The following CCDC42 variants were observed in gnomAD, a reference collection of about 807,000 sequenced individuals.
The protein encoded by CCDC42 is coiled-coil domain containing 42.
CCDC42 carries 38 observed loss-of-function variants against 40.8 expected under a neutral mutation model. The ratio of observed to expected loss-of-function variants is 0.93; its 90% CI spans 0.72 to 1.22. The LOEUF (loss-of-function observed/expected upper bound fraction) is 1.22. Among genes scored for constraint, CCDC42 ranks in the 50% most tolerant of loss-of-function variants. The pLI, the probability that CCDC42 is intolerant of heterozygous loss-of-function variation, is 0.00. For synonymous variants in CCDC42, 135 were observed against 157.5 expected, an observed-to-expected ratio of 0.86 and a Z score of 1.07; for missense variants, 379 against 416.5, an observed-to-expected ratio of 0.91 and a Z score of 0.78.
chr17:8,730,338 T>A (rs12937401), intron 6 of CCDC42, 131 bp from the exon 7 acceptor site: 167,699 of 592,320 alleles, frequency 0.28, 24,990 homozygotes, highest in Middle Eastern at 0.32. Flanking sequence ...TTTTTAAATT[T>A]TTATTTATTT....
intron 4 of CCDC42, among the ~76,000 whole-genome samples, chr17:8,736,440 C>A (rs963949750): frequency 2.6e-5 from 4 of 152,256 alleles, no homozygotes; most frequent in Admixed American, 1.3e-4. Context: ...TCAGGTCCCA[C>A]TCAGTGGAAC....
rs775160126 is a variant in CCDC42 at position 8,730,099 on chromosome 17, T to C, written c.*31A>G. On this transcript the variant is annotated 3_prime_UTR_variant, in exon 7 of 7. Coordinates refer to ENST00000293845, the MANE Select transcript of CCDC42 (RefSeq NM_144681.3). ...ACGACTTCTTCTTTCACGATCTCTG[T>C]CTCAGGACATTCTGGAACAAGGCTG... The C allele has an allele frequency of 3.1e-6, 5 of 1,604,686 alleles. No homozygotes were observed. The highest frequency in any genetic ancestry group is 4.3e-6 in the Non-Finnish European group (5 of 1,171,746).
chr17:8,733,896 T>C (rs1301151354), intron 6 of CCDC42, among the ~76,000 whole-genome samples: 1 of 152,142 alleles, frequency 6.6e-6, no homozygotes, highest in Non-Finnish European at 1.5e-5. Flanking sequence ...GACCCTATTG[T>C]GGGTCATAGG....
chr17:8,737,842 G>A (rs966315895), intron 4 of CCDC42, among the ~76,000 whole-genome samples: 6 of 152,176 alleles, frequency 3.9e-5, no homozygotes, highest in Non-Finnish European at 7.3e-5. Flanking sequence ...AAAAGACAGG[G>A]TCTCACTCTA....
chr17:8,732,400 G>T (rs1028683902), intron 6 of CCDC42, among the ~76,000 whole-genome samples: 1 of 151,622 alleles, frequency 6.6e-6, no homozygotes, highest in African/African-American at 2.4e-5. Context: ...CCTTTTCAAG[G>T]CTGTCTCTGG....
At chr17:8,742,492 T>A (rs996660950) in intron 3 of CCDC42, among the ~76,000 whole-genome samples, 28 of 152,348 alleles carry the variant, frequency 1.8e-4, no homozygotes, top group African/African-American at 6.7e-4. Context: ...TGCCTCTTCC[T>A]TCTGCAGAGC....
At chr17:8,740,105 T>C (rs970447507) in intron 4 of CCDC42, among the ~76,000 whole-genome samples, 1 of 152,112 alleles carries the variant, frequency 6.6e-6, no homozygotes, top group African/African-American at 2.4e-5. Flanking sequence ...AGGAGGTGCC[T>C]CCATCTGCCC....
chr17:8,734,969 C>T, intron 6 of CCDC42, 127 bp downstream of exon 6: 1 of 968,160 alleles, frequency 1.0e-6, no homozygotes, highest in Non-Finnish European at 1.5e-6. Flanking sequence ...CCAGGTGATC[C>T]TGATGTTGTT....
At chr17:8,744,385 G>A in intron 1 of CCDC42, 142 bp downstream of exon 1, 1 of 769,788 alleles carries the variant, frequency 1.3e-6, no homozygotes, top group East Asian at 2.5e-5. Context: ...AGACCAGCGT[G>A]ATGAGGTGGA....
Position 8,744,512 on chromosome 17 carries a change from G to A in CCDC42, c.83+15C>T. ...AGGCACAGAGGGGTGGGCAAGCCAG[G>A]CCTCAGACACTCACTGGAGCATCTG... On this transcript the variant is annotated intron_variant, in intron 1 of 6. Transcript: ENST00000293845. The A allele has an allele frequency of 3.7e-6, 6 of 1,606,284 alleles. No individual in the cohort carries two copies. Among genetic ancestry groups the A allele is most frequent in the Non-Finnish European group, 5.1e-6 (6 of 1,177,204 alleles).
chr17:8,731,890 C>T lies in CCDC42; in HGVS notation c.874-1683G>A, dbSNP rs146207587. Reference sequence around the variant, plus strand: ...TATATAACAAACCTGCTTGGCTGGACGCGGTAGCTCACGCCTGTAATCCCA... The same window carrying T: ...TATATAACAAACCTGCTTGGCTGGATGCGGTAGCTCACGCCTGTAATCCCA... On this transcript the variant is annotated intron_variant, in intron 6 of 6. Transcript: ENST00000293845. Among the ~76,000 whole-genome samples the T allele has an allele frequency of 1.3e-4, 20 of 152,304 alleles. 1 individual carries two copies. The highest frequency in any genetic ancestry group is 4.6e-4 in the African/African-American group (19 of 41,566).
rs772701067 is a variant in CCDC42, at chr17:8,735,114, G to C, written c.855C>G (p.Thr285=). The C allele has an allele frequency of 6.8e-5, 109 of 1,614,060 alleles. No homozygotes were observed. Among genetic ancestry groups the C allele is most frequent in the Non-Finnish European group, 8.6e-5 (102 of 1,180,034 alleles). Residue 285 remains threonine, a synonymous_variant, in exon 6 of 7, where the codon ACC becomes ACG. Transcript: ENST00000293845. The surrounding 1 kb of genome is among the most constrained non-coding windows in gnomAD (Gnocchi z 4.7). ...CTCCTACCATGTCCAGCTGCTTGTGGGTGTCCTCCAGTGCCACCTCAGTCA... is the reference window on the plus strand; with the variant it reads ...CTCCTACCATGTCCAGCTGCTTGTGCGTGTCCTCCAGTGCCACCTCAGTCA... ...KEVTEVALED[T]HKQLDMIQQF...
At chr17:8,733,814 AGCTAAGGGCAAGG>A (rs971737117) in intron 6 of CCDC42, among the ~76,000 whole-genome samples, 1 of 152,080 alleles carries the variant, frequency 6.6e-6, no homozygotes, top group Non-Finnish European at 1.5e-5. Context: ...TCTTTACAAC[AGCTAAGGGCAAGG>A]GCCTGAGGAC....
In CCDC42 at chr17:8,735,532, T is replaced by C. The variant is rs150575602; in HGVS notation, c.572A>G (p.Glu191Gly). The stretch of plus-strand genomic sequence containing the variant: ...GGCGCGCTCAATCTTCTCCTGGCCT[T>C]CCTGCGCAGACTGCATGAGGTCGTG... ...MRHDLMQSAQ[E>G]GQEKIERAKA... The change falls in exon 5 of 7, where the codon GAA becomes GGA. Residue 191 changes from glutamate to glycine, a missense_variant. Glu to Gly is a moderately conservative substitution (Grantham distance 98). Transcript: ENST00000293845. The surrounding 1 kb of genome is among the most constrained non-coding windows in gnomAD (Gnocchi z 4.7). 2.9e-4 allele frequency: 471 copies of C among 1,614,120 alleles called. 1 individual carries two copies. The highest frequency in any genetic ancestry group is 4.4e-5 in the Non-Finnish European group (52 of 1,180,032).
intron 4 of CCDC42, 56 bp downstream of exon 4, chr17:8,741,418 A>G: frequency 6.5e-7 from 1 of 1,527,520 alleles, no homozygotes; most frequent in South Asian, 1.1e-5. Context: ...GCCCCGGGGA[A>G]GAGAGGTGGG....
intron 6 of CCDC42, among the ~76,000 whole-genome samples, chr17:8,732,756 G>A (rs1258041439): frequency 6.6e-6 from 1 of 152,116 alleles, no homozygotes; most frequent in Non-Finnish European, 1.5e-5. Flanking sequence ...TTAGTCTATG[G>A]AGTCCTTTTA....
rs1171134080 is a variant in CCDC42, at chr17:8,730,102, C to G, written c.*28G>C. 2 of 1,607,958 alleles carry G rather than the reference C, an allele frequency of 1.2e-6. No homozygotes were observed. The highest frequency in any genetic ancestry group is 1.7e-6 in the Non-Finnish European group (2 of 1,174,810). On this transcript the variant is annotated 3_prime_UTR_variant, in exon 7 of 7. Transcript: ENST00000293845. ...ACTTCTTCTTTCACGATCTCTGTCT[C>G]AGGACATTCTGGAACAAGGCTGCCT...
chr17:8,737,076 GAAAGA>G (rs936674688), intron 4 of CCDC42, among the ~76,000 whole-genome samples: 2 of 151,892 alleles, frequency 1.3e-5, no homozygotes, highest in African/African-American at 4.8e-5. Flanking sequence ...AAAAAGGAAA[GAAAGA>G]AAAAGAAAAA....
At chr17:8,730,539 C>T (rs964785346) in intron 6 of CCDC42, among the ~76,000 whole-genome samples, 4 of 152,026 alleles carry the variant, frequency 2.6e-5, no homozygotes, top group Non-Finnish European at 4.4e-5. Context: ...GGGGTTTCAC[C>T]ATGTTGGCCA....
Sources: allele counts gnomAD v4.1 joint callset (sites outside exome capture counted in the v4.1 genomes callset), GRCh38; gene constraint gnomAD v4.1.1; non-coding constraint Gnocchi (gnomAD v3.1); transcripts MANE v1.5; gene names NCBI Gene and HGNC (gene_info 2026-07-23, HGNC 2026-07-21).